Variants in DNAH8 observed in about 807,000 individuals in gnomAD.
The protein encoded by DNAH8 is axonemal beta dynein heavy chain 8.
In DNAH8, 382 loss-of-function variants were observed where a neutral mutation model predicts 562.1. The observed-to-expected ratio is 0.68, with a 90% CI of 0.63 to 0.74. The LOEUF (loss-of-function observed/expected upper bound fraction) is 0.74, where lower values mean the gene tolerates loss of function less well. Among genes scored for constraint, DNAH8 ranks in the 30% least tolerant of loss-of-function variants. The pLI is 0.00. For missense variants in DNAH8, 5,203 were observed against 5,620.4 expected (o/e 0.93, Z 2.37); for synonymous variants, 1,881 against 1,919.4 (o/e 0.98, Z 0.52).
intron 49 of DNAH8, among the ~76,000 whole-genome samples, chr6:38,871,657 G>A (rs1012752117): frequency 1.3e-5 from 2 of 152,154 alleles, no homozygotes; most frequent in African/African-American, 4.8e-5. Flanking sequence ...CTGCAGACGG[G>A]ATGTTATAGC....
At chr6:38,872,488 C>A (rs979152745) in intron 49 of DNAH8, 48 bp from the exon 50 acceptor site, 14 of 1,585,592 alleles carry the variant, frequency 8.8e-6, no homozygotes, top group Middle Eastern at 3.4e-4. Flanking sequence ...TGAATGTCAG[C>A]AAGAGACTCA....
rs749618970 is a variant in DNAH8 at position 38,862,465 on chromosome 6, G to T, written c.6310+7G>T. 32 of 1,595,124 alleles carry T rather than the reference G, an allele frequency of 2.0e-5. No homozygotes were observed. The highest frequency in any genetic ancestry group is 2.7e-5 in the Non-Finnish European group (32 of 1,172,074). Reference sequence around the variant, plus strand: ...CTAGGAAGGATTTTCAAAGGCAAGTGTCAAATAATGTAGATTATTTTAGGT... The same window carrying T: ...CTAGGAAGGATTTTCAAAGGCAAGTTTCAAATAATGTAGATTATTTTAGGT... On this transcript the variant is annotated splice_region_variant and intron_variant, in intron 44 of 92. Coordinates refer to ENST00000327475, the MANE Select transcript of DNAH8 (RefSeq NM_001206927.2).
intron 1 of DNAH8, among the ~76,000 whole-genome samples, chr6:38,718,105 A>G (rs1762482109): frequency 6.6e-6 from 1 of 152,178 alleles, no homozygotes; most frequent in Non-Finnish European, 1.5e-5. Context: ...ATTTTATTGA[A>G]CAAGGGTAGT....
chr6:38,765,116 G>A (rs866459103), intron 11 of DNAH8, among the ~76,000 whole-genome samples: 6 of 152,216 alleles, frequency 3.9e-5, no homozygotes, highest in African/African-American at 4.8e-5. Flanking sequence ...GATCACAGGC[G>A]TAAGCCACTG....
rs768273660 is a variant in DNAH8, at chr6:38,786,916, G to A, written c.2547G>A (p.Leu849=). 7.5e-6 allele frequency: 12 copies of A among 1,608,384 alleles called. No homozygotes were observed. The Admixed American group carries it at 2.0e-4, about 27-fold the overall frequency. ...VPEQAKRLLK[L]ESKLKADKLY... ...AACAGGCAAAGAGATTGCTAAAATT[G>A]GAAAGTAAATTGAAAGCAGACAAAC... is the stretch of plus-strand genomic sequence containing the variant. Residue 849 remains leucine (L), a synonymous_variant, in exon 18 of 93, where the codon TTG becomes TTA. Coordinates refer to ENST00000327475, the MANE Select transcript of DNAH8 (RefSeq NM_001206927.2).
chr6:38,934,073 C>G (rs1352670940), intron 76 of DNAH8, among the ~76,000 whole-genome samples: 1 of 152,224 alleles, frequency 6.6e-6, no homozygotes, highest in East Asian at 1.9e-4. Flanking sequence ...ATATTAGAGG[C>G]CAGGCGTGGT....
At chr6:38,893,030 A>C (rs989019383) in intron 58 of DNAH8, among the ~76,000 whole-genome samples, 2 of 152,012 alleles carry the variant, frequency 1.3e-5, no homozygotes, top group Admixed American at 6.6e-5. Context: ...CATTATTTGC[A>C]TATTTACATA....
At chr6:38,966,466 A>G (rs1368197732) in intron 82 of DNAH8, among the ~76,000 whole-genome samples, 8 of 152,224 alleles carry the variant, frequency 5.3e-5, no homozygotes, top group African/African-American at 1.9e-4. Context: ...AGGAGGGAAC[A>G]CTTTTCAACC....
At chr6:39,029,576 TG>T (rs1767533206) in intron 92 of DNAH8, among the ~76,000 whole-genome samples, 1 of 152,246 alleles carries the variant, frequency 6.6e-6, no homozygotes, top group South Asian at 2.1e-4. Context: ...GATGCTGCCC[TG>T]GCCATGATTC....
chr6:39,001,072 GT>G (rs1561962480), intron 88 of DNAH8, among the ~76,000 whole-genome samples: 2 of 152,220 alleles, frequency 1.3e-5, no homozygotes, highest in South Asian at 4.1e-4. Flanking sequence ...ACCAGGTCCA[GT>G]ATGCCTAAAG....
rs140897153 is a variant in DNAH8, at chr6:38,904,416, G to A, written c.9195-1838G>A. Among the ~76,000 whole-genome samples, 191 of 152,248 alleles carry A rather than the reference G, an allele frequency of 1.3e-3. 1 individual carries two copies. The highest frequency in any genetic ancestry group is 4.4e-3 in the African/African-American group (182 of 41,544). ...CCCAACATAGAGAAAGGGGGCTTGCGATGGAGAGTGAGAAGAAGAGGCAAG... is the reference window on the plus strand; with the variant it reads ...CCCAACATAGAGAAAGGGGGCTTGCAATGGAGAGTGAGAAGAAGAGGCAAG... On this transcript the variant is annotated intron_variant, in intron 62 of 92. Transcript: ENST00000327475.
chr6:38,812,621 T>G (rs1015312586), intron 24 of DNAH8, among the ~76,000 whole-genome samples: 1 of 152,188 alleles, frequency 6.6e-6, no homozygotes. Flanking sequence ...AACTTGTATT[T>G]GTTTTGATGC....
intron 80 of DNAH8, among the ~76,000 whole-genome samples, chr6:38,946,797 G>A (rs941414713): frequency 2.0e-5 from 3 of 150,666 alleles, no homozygotes; most frequent in African/African-American, 4.9e-5. Flanking sequence ...GTGACAGTGT[G>A]AGACTCTGTC....
chr6:38,759,310 A>AAAC (rs1766255023), intron 10 of DNAH8, among the ~76,000 whole-genome samples: 1 of 151,038 alleles, frequency 6.6e-6, no homozygotes, highest in Non-Finnish European at 1.5e-5. Flanking sequence ...CCTGTCTCAA[A>AAAC]AAACAAACAA....
intron 35 of DNAH8, among the ~76,000 whole-genome samples, chr6:38,844,524 G>A (rs530037675): frequency 6.6e-6 from 1 of 152,272 alleles, no homozygotes; most frequent in Admixed American, 6.5e-5. Flanking sequence ...AAGAAACAAA[G>A]AGGTAGAAAC....
intron 91 of DNAH8, among the ~76,000 whole-genome samples, chr6:39,021,844 C>G (rs1766936444): frequency 6.6e-6 from 1 of 152,186 alleles, no homozygotes; most frequent in Non-Finnish European, 1.5e-5. Flanking sequence ...AAAATGCCAA[C>G]CAACTCCTTA....
At chr6:38,961,594 T>C (rs1464272704) in intron 82 of DNAH8, among the ~76,000 whole-genome samples, 1 of 152,080 alleles carries the variant, frequency 6.6e-6, no homozygotes, top group Non-Finnish European at 1.5e-5. Flanking sequence ...AAACTTCTCC[T>C]TAAGCTATCA....
intron 3 of DNAH8, among the ~76,000 whole-genome samples, chr6:38,724,639 A>G (rs912820075): frequency 2.0e-5 from 3 of 152,210 alleles, no homozygotes; most frequent in African/African-American, 7.2e-5. Flanking sequence ...CACTACTAAC[A>G]GTTTTGGATG....
At chr6:38,911,646 C>T (rs1780911157) in intron 66 of DNAH8, 60 bp downstream of exon 66, 2 of 1,153,946 alleles carry the variant, frequency 1.7e-6, no homozygotes, top group Non-Finnish European at 2.5e-6. Context: ...ATAGGGATCT[C>T]AATATTTTGT....
Sources: allele counts gnomAD v4.1 joint callset (sites outside exome capture counted in the v4.1 genomes callset), GRCh38; gene constraint gnomAD v4.1.1; transcripts MANE v1.5; gene names NCBI Gene and HGNC (gene_info 2026-07-23, HGNC 2026-07-21).